Variants in PRKG1 observed in about 807,000 individuals in gnomAD.
PRKG1 encodes the protein protein kinase cGMP-dependent 1, also known as cGMP-dependent protein kinase 1.
PRKG1 carries 35 observed loss-of-function variants against 88.1 expected under a neutral mutation model. The ratio of observed to expected loss-of-function variants is 0.40; its 90% CI spans 0.30 to 0.53. PRKG1 has a LOEUF of 0.53. Among genes scored for constraint, PRKG1 ranks in the 20% least tolerant of loss-of-function variants. The probability of loss-of-function intolerance (pLI) is 0.59; values close to 1 mark genes in which losing one functional copy is unlikely to be tolerated. For synonymous variants in PRKG1, 303 were observed against 292.5 expected (o/e 1.04, Z -0.37); for missense variants, 540 against 839.8 (o/e 0.64, Z 4.41).
intron 5 of PRKG1, among the ~76,000 whole-genome samples, chr10:51,987,683 CA>C (rs1232251461): frequency 6.6e-6 from 1 of 151,842 alleles, no homozygotes; most frequent in Admixed American, 6.6e-5. Flanking sequence ...AATTTTAGTT[CA>C]ATATTTGTAA....
chr10:52,148,757 A>G (rs558347080), intron 8 of PRKG1, among the ~76,000 whole-genome samples: 7 of 152,208 alleles, frequency 4.6e-5, no homozygotes, highest in African/African-American at 1.7e-4. Flanking sequence ...CTCACCGAGG[A>G]TGGGACCTGG....
chr10:51,694,856 C>T (rs1197019777), intron 3 of PRKG1, among the ~76,000 whole-genome samples: 2 of 152,178 alleles, frequency 1.3e-5, no homozygotes, highest in East Asian at 3.9e-4. Flanking sequence ...ATGCTTTCTA[C>T]ATCAATATTG....
chr10:51,989,964 C>A (rs1337004269), intron 5 of PRKG1, among the ~76,000 whole-genome samples: 2 of 151,666 alleles, frequency 1.3e-5, no homozygotes. Flanking sequence ...ATCTTTAATC[C>A]CTTTTAAGTT....
intron 4 of PRKG1, among the ~76,000 whole-genome samples, chr10:51,824,600 T>G (rs1839838054): frequency 6.6e-6 from 1 of 152,148 alleles, no homozygotes; most frequent in Non-Finnish European, 1.5e-5. Context: ...GAGGTTTATT[T>G]GGTTCATGGT....
chr10:52,074,846 T>C (rs1281917207), intron 7 of PRKG1, among the ~76,000 whole-genome samples: 1 of 152,230 alleles, frequency 6.6e-6, no homozygotes, highest in Middle Eastern at 3.2e-3. Context: ...GTAACATTAC[T>C]CATGTGTTCT....
At chr10:52,012,687 T>C (rs1188931208) in intron 5 of PRKG1, among the ~76,000 whole-genome samples, 3 of 152,184 alleles carry the variant, frequency 2.0e-5, no homozygotes, top group African/African-American at 7.2e-5. Flanking sequence ...TTTGCCTTTT[T>C]AAAATGCAAT....
rs150955028 is a variant in PRKG1, at chr10:51,679,902, T to C, written c.593-124683T>C. ...CCCGACCCCACCACAGTCCCCAGAG[T>C]GTGATATAACTTAAGGCCAATTAAC... On this transcript the variant is annotated intron_variant, in intron 3 of 17. Transcript: ENST00000373980. Among the ~76,000 whole-genome samples, 14 of 112,314 alleles carry C rather than the reference T, an allele frequency of 1.2e-4. No homozygotes were observed. In the East Asian group the frequency reaches 3.5e-3, roughly 28 times the overall value. The allele number at this position is 112,314 out of a possible 152,430, so 73.7% of individuals were successfully genotyped here. A position where few individuals can be genotyped will look rare whatever the true frequency, so the allele number is the denominator to read the frequency against.
At chr10:51,756,076 A>G (rs1349348148) in intron 3 of PRKG1, among the ~76,000 whole-genome samples, 1 of 152,242 alleles carries the variant, frequency 6.6e-6, no homozygotes, top group Non-Finnish European at 1.5e-5. Context: ...TTTTAATTTA[A>G]TAAGTTCAAA....
chr10:52,029,787 G>A (rs144784723), intron 5 of PRKG1, among the ~76,000 whole-genome samples: 4 of 152,252 alleles, frequency 2.6e-5, no homozygotes, highest in African/African-American at 7.2e-5. Context: ...GGTTCCCTTA[G>A]TTGTGGTTTC....
chr10:51,698,287 A>G (rs3740228), intron 3 of PRKG1: 255,798 of 1,613,680 alleles, frequency 0.16, 23,580 homozygotes, highest in African/African-American at 0.4. Flanking sequence ...TTTCCATGGC[A>G]CGAGTCTCCA....
chr10:52,139,447 C>A (rs142173390), intron 8 of PRKG1, among the ~76,000 whole-genome samples: 1 of 152,038 alleles, frequency 6.6e-6, no homozygotes, highest in Non-Finnish European at 1.5e-5. Context: ...GCATTGCTTA[C>A]GGTGAGTTTG....
chr10:52,242,713 A>C (rs1184310451), intron 9 of PRKG1, among the ~76,000 whole-genome samples: 2 of 152,088 alleles, frequency 1.3e-5, no homozygotes, highest in Non-Finnish European at 2.9e-5. Context: ...CCTGGCCAAC[A>C]TGGTGAAACC....
intron 9 of PRKG1, among the ~76,000 whole-genome samples, chr10:52,233,571 G>A (rs1200108900): frequency 3.3e-3 from 407 of 124,502 alleles, no homozygotes; most frequent in Non-Finnish European, 3.4e-3. Flanking sequence ...CTGGAAAATC[G>A]GGTCACTCCC....
chr10:51,592,128 G>T (rs948328318), intron 3 of PRKG1, among the ~76,000 whole-genome samples: 1 of 152,110 alleles, frequency 6.6e-6, no homozygotes, highest in Non-Finnish European at 1.5e-5. Context: ...TGGGAAAATT[G>T]AATAGATACT....
At position 51,721,049 on chromosome 10, in the gene PRKG1, TAGACAAAAAACCA is replaced by T. The variant is rs1472648703; in HGVS notation, c.593-83534_593-83522del. Among the ~76,000 whole-genome samples, 10 of 150,926 alleles carry T rather than the reference TAGACAAAAAACCA, an allele frequency of 6.6e-5. No individual in the cohort carries two copies. The East Asian group carries it at 2.0e-3, about 30-fold the overall frequency. Reference sequence around the variant, plus strand: ...TGGGAAGACCCTGTCTCTACAAAAATAGACAAAAAACCAATTAGCTGGGCATGGTGATGTGTGC... The same window carrying T: ...TGGGAAGACCCTGTCTCTACAAAAATATTAGCTGGGCATGGTGATGTGTGC... On this transcript the variant is annotated intron_variant, in intron 3 of 17. Transcript: ENST00000373980.
rs1237131717 is a variant in PRKG1 at position 52,296,295 on chromosome 10, A to G, written c.*2395A>G. Reference sequence around the variant, plus strand: ...TGAATAAGTTCAATGGAGAAGGAAGAAGTAGCATTCAGCACAAGAAACTGT... The same window carrying G: ...TGAATAAGTTCAATGGAGAAGGAAGGAGTAGCATTCAGCACAAGAAACTGT... On this transcript the variant is annotated 3_prime_UTR_variant, in exon 18 of 18. Transcript: ENST00000373980. 2 of 152,084 alleles carry G rather than the reference A, an allele frequency of 1.3e-5. No homozygotes were observed. The highest frequency in any genetic ancestry group is 4.8e-5 in the African/African-American group (2 of 41,448). The allele number at this position is 152,084 out of a possible 1,614,324, so 9.4% of individuals were successfully genotyped here.
intron 4 of PRKG1, among the ~76,000 whole-genome samples, chr10:51,822,816 A>G (rs1281172673): frequency 6.6e-6 from 1 of 152,064 alleles, no homozygotes; most frequent in Non-Finnish European, 1.5e-5. Context: ...CAACTTTAAG[A>G]TGTATGTGCA....
intron 4 of PRKG1, among the ~76,000 whole-genome samples, chr10:51,875,643 C>T (rs960629195): frequency 2.6e-5 from 4 of 152,092 alleles, no homozygotes; most frequent in South Asian, 2.1e-4. Context: ...AAGTATCTTT[C>T]GACTTTCCAT....
chr10:52,166,312 CCAAGGATCATCTTA>C (rs71459440), intron 9 of PRKG1, among the ~76,000 whole-genome samples: 67,222 of 151,592 alleles, frequency 0.44, 17,887 homozygotes, highest in Admixed American at 0.61. Context: ...ATTTCCAATA[CCAAGGATCATCTTA>C]CAGTTCAGTA....
Sources: allele counts gnomAD v4.1 joint callset (sites outside exome capture counted in the v4.1 genomes callset), GRCh38; gene constraint gnomAD v4.1.1; transcripts MANE v1.5; gene names NCBI Gene and HGNC (gene_info 2026-07-23, HGNC 2026-07-21).